The following COBL variants were observed in gnomAD, a reference collection of about 807,000 sequenced individuals.
COBL encodes the protein protein cordon-bleu.
In COBL, 51 loss-of-function variants were observed where a neutral mutation model predicts 98.8. The observed-to-expected ratio is 0.52, with a 90% CI of 0.41 to 0.65. COBL has a LOEUF of 0.65. Ranked by LOEUF, COBL falls within the 30% of genes least tolerant of loss-of-function variation. The pLI, the probability that COBL is intolerant of heterozygous loss-of-function variation, is 0.00. For synonymous variants in COBL, 634 were observed against 651.7 expected (o/e 0.97, Z 0.41); for missense variants, 1,617 against 1,617.5 (o/e 1.00, Z 0.01).
intron 7 of COBL, among the ~76,000 whole-genome samples, chr7:51,083,723 C>A (rs1209008902): frequency 6.6e-6 from 1 of 152,066 alleles, no homozygotes; most frequent in Non-Finnish European, 1.5e-5. Context: ...ACTTTTCAAC[C>A]CCTTTGGTTG....
chr7:51,113,534 A>T (rs577866110), intron 6 of COBL, among the ~76,000 whole-genome samples: 1 of 152,194 alleles, frequency 6.6e-6, no homozygotes, highest in African/African-American at 2.4e-5. Context: ...AAATTACTAA[A>T]GTGGTTCCTT....
intron 4 of COBL, among the ~76,000 whole-genome samples, chr7:51,189,113 G>A (rs778772505): frequency 4.8e-4 from 73 of 152,122 alleles, no homozygotes; most frequent in Non-Finnish European, 8.4e-4. Flanking sequence ...TTTTAAAAAA[G>A]ACACTGGATA....
At chr7:51,140,684 C>A (rs140935098) in intron 5 of COBL, among the ~76,000 whole-genome samples, 2 of 152,316 alleles carry the variant, frequency 1.3e-5, no homozygotes, top group Admixed American at 1.3e-4. Context: ...AGGAGCTATG[C>A]AGATCTAGCA....
intron 1 of COBL, among the ~76,000 whole-genome samples, chr7:51,291,759 TC>T (rs1016076983): frequency 1.3e-4 from 19 of 150,364 alleles, no homozygotes; most frequent in African/African-American, 4.2e-4. Context: ...AGACTCCGTC[TC>T]AAAAAAAAAA....
At chr7:51,086,966 C>G (rs1157675754) in intron 6 of COBL, among the ~76,000 whole-genome samples, 1 of 151,064 alleles carries the variant, frequency 6.6e-6, no homozygotes, top group African/African-American at 2.4e-5. Context: ...ACCCCCTCTC[C>G]AGCAGTAAGC....
intron 1 of COBL, among the ~76,000 whole-genome samples, chr7:51,291,597 C>T (rs189824216): frequency 3.7e-4 from 57 of 152,026 alleles, no homozygotes; most frequent in Admixed American, 3.3e-3. Context: ...CCTCTCTCTG[C>T]TAAAAATACA....
intron 1 of COBL, among the ~76,000 whole-genome samples, chr7:51,231,699 A>G (rs1794775052): frequency 6.6e-6 from 1 of 152,174 alleles, no homozygotes; most frequent in Admixed American, 6.5e-5. Flanking sequence ...AGGACTTAGA[A>G]GGGGCCTGAA....
chr7:51,085,670 G>T (rs1161486885), intron 6 of COBL, among the ~76,000 whole-genome samples: 2 of 152,196 alleles, frequency 1.3e-5, no homozygotes, highest in Non-Finnish European at 1.5e-5. Context: ...TAAATGTAAG[G>T]AGAACAATTC....
chr7:51,118,276 G>A (rs576527472), intron 6 of COBL, among the ~76,000 whole-genome samples: 8 of 152,132 alleles, frequency 5.3e-5, no homozygotes, highest in East Asian at 1.9e-4. Context: ...AGTTTCCAGC[G>A]GTTGGGAGTC....
chr7:51,061,970 C>CAT (rs1444043772), intron 7 of COBL, among the ~76,000 whole-genome samples: 10 of 140,304 alleles, frequency 7.1e-5, no homozygotes, highest in African/African-American at 3.3e-4. Flanking sequence ...CACACACACA[C>CAT]ACACACACAC....
chr7:51,200,902 T>C (rs1239967111), intron 2 of COBL, among the ~76,000 whole-genome samples: 4 of 151,906 alleles, frequency 2.6e-5, no homozygotes, highest in Non-Finnish European at 5.9e-5. Flanking sequence ...TAAGGACACA[T>C]AGAGGTTGAA....
chr7:51,147,757 T>C (rs1583961479), intron 5 of COBL, among the ~76,000 whole-genome samples: 1 of 151,104 alleles, frequency 6.6e-6, no homozygotes, highest in African/African-American at 2.4e-5. Flanking sequence ...TCTTTTCTTT[T>C]TTTTTTTTTT....
In COBL at chr7:51,177,434, T is replaced by C. The variant is rs561004669; in HGVS notation, c.783+6668A>G. ...AATCTACTAGATAAAAGAGAAACAA[T>C]TTGTATCCAAAGAGCACAAGAAAAG... On this transcript the variant is annotated intron_variant, in intron 5 of 12. Transcript: ENST00000265136. Among the ~76,000 whole-genome samples the C allele has an allele frequency of 3.9e-5, 6 of 152,264 alleles. No individual in the cohort carries two copies. In the East Asian group the frequency reaches 1.2e-3, roughly 29 times the overall value.
chr7:51,155,252 G>A (rs1005929278), intron 5 of COBL, among the ~76,000 whole-genome samples: 1 of 152,078 alleles, frequency 6.6e-6, no homozygotes, highest in Non-Finnish European at 1.5e-5. Context: ...CATAAAATAT[G>A]CAATATTTAG....
intron 7 of COBL, among the ~76,000 whole-genome samples, chr7:51,067,047 G>C (rs974183437): frequency 1.3e-5 from 2 of 152,196 alleles, no homozygotes; most frequent in Non-Finnish European, 2.9e-5. Context: ...GGCCAAAGTG[G>C]ACAAGTTCAG....
rs1395974807 is a variant in COBL at position 51,312,173 on chromosome 7, T to A, written c.41+4420A>T. Among the ~76,000 whole-genome samples, 3 of 148,958 alleles carry A rather than the reference T, an allele frequency of 2.0e-5. No individual in the cohort carries two copies. The East Asian group carries it at 5.9e-4, about 29-fold the overall frequency. ...CTCGTCTCTATTAAAAAAAAAAAAA[T>A]ACAAAAATTAGCTGGGTGTGGTGGT... On this transcript the variant is annotated intron_variant, in intron 1 of 12. Transcript: ENST00000265136.
chr7:51,070,442 G>GAGGA (rs924029805), intron 7 of COBL, among the ~76,000 whole-genome samples: 2 of 82,234 alleles, frequency 2.4e-5, no homozygotes, highest in Non-Finnish European at 6.2e-5. Flanking sequence ...CGAGAAGCCA[G>GAGGA]AGGAAGCAAG....
chr7:51,274,185 G>C (rs112527556), intron 1 of COBL, among the ~76,000 whole-genome samples: 44 of 152,194 alleles, frequency 2.9e-4, no homozygotes, highest in Non-Finnish European at 5.1e-4. Context: ...CTCCCCACAC[G>C]GTAGACACAC....
chr7:51,119,569 A>G (rs561369301), intron 6 of COBL, among the ~76,000 whole-genome samples: 39 of 152,324 alleles, frequency 2.6e-4, no homozygotes, highest in African/African-American at 9.1e-4. Flanking sequence ...CTGGGTAGTA[A>G]GTAAAGTTTT....
Sources: gnomAD v4.1 joint callset for allele counts (sites outside exome capture counted in the v4.1 genomes callset) on GRCh38, gnomAD v4.1.1 for gene constraint, MANE v1.5 for transcripts, NCBI Gene and HGNC (gene_info 2026-07-23, HGNC 2026-07-21) for gene names.